The following PPARA variants were observed in gnomAD, a reference collection of about 807,000 sequenced individuals.
PPARA encodes peroxisome proliferator activated receptor alpha, also known as peroxisome proliferator-activated receptor alpha.
A neutral mutation model predicts 42.2 loss-of-function variants in PPARA; 22 were observed. The ratio of observed to expected loss-of-function variants is 0.52; its 90% confidence interval spans 0.37 to 0.74. The LOEUF (loss-of-function observed/expected upper bound fraction) is 0.74. PPARA is among the 30% of genes least tolerant of loss of function. The pLI is 0.00. For synonymous variants in PPARA, 242 were observed against 239.3 expected, an observed-to-expected ratio of 1.01 and a Z score of -0.10; for missense variants, 465 against 608.2, an observed-to-expected ratio of 0.76 and a Z score of 2.48.
At chr22:46,214,682 GGAGATGCGTGGGTCCA>G (rs1384856213) in intron 4 of PPARA, among the ~76,000 whole-genome samples, 3 of 149,996 alleles carry the variant, frequency 2.0e-5, no homozygotes, top group African/African-American at 7.4e-5. Flanking sequence ...GCGCGGGTCC[GGAGATGCGTGGGTCCA>G]GAGATGTGCG....
rs542558197 is a variant in PPARA, at chr22:46,152,341, C to T, written c.-127+371C>T. On this transcript the variant is annotated intron_variant, in intron 2 of 8. Transcript: ENST00000407236. ...TTTAGTAGAGGCGGGGTTTCACCAT[C>T]TTGGCCAGGCTGATCTTGAACTCCT... Among the ~76,000 whole-genome samples the T allele has an allele frequency of 2.0e-5, 3 of 151,936 alleles. No individual in the cohort carries two copies. In the East Asian group the frequency reaches 5.8e-4, roughly 29 times the overall value.
Position 46,184,917 on chromosome 22 carries a change from G to A in PPARA, c.-43+8081G>A, listed in dbSNP as rs1401098095. Among the ~76,000 whole-genome samples, 3 of 152,200 alleles carry A rather than the reference G, an allele frequency of 2.0e-5. No individual in the cohort carries two copies. The highest frequency in any genetic ancestry group is 7.2e-5 in the African/African-American group (3 of 41,458). ...GCGACGTGTTTTTCCCTCTCAGAAA[G>A]CTCGTAGGGTCTTCTCTTTGTCTCC... is the stretch of plus-strand genomic sequence containing the variant. On this transcript the variant is annotated intron_variant, in intron 3 of 8. Transcript: ENST00000407236. The surrounding 1 kb of genome is among the most constrained non-coding windows in gnomAD (Gnocchi z 4.4).
intron 2 of PPARA, among the ~76,000 whole-genome samples, chr22:46,176,483 A>G (rs1896399393): frequency 6.6e-6 from 1 of 151,966 alleles, no homozygotes; most frequent in Admixed American, 6.6e-5. Flanking sequence ...GAGACTCCGT[A>G]TCAGTACTTT....
At chr22:46,178,034 G>A (rs1291308305) in intron 3 of PPARA, among the ~76,000 whole-genome samples, 1 of 151,810 alleles carries the variant, frequency 6.6e-6, no homozygotes. Flanking sequence ...GATCTAAGGA[G>A]GTCTATCAGT....
intron 2 of PPARA, among the ~76,000 whole-genome samples, chr22:46,174,245 A>AGAAGGAAGGAAGGAAGGAATGAAGGAAG (rs1569196799): frequency 1.0e-3 from 1 of 976 alleles, no homozygotes; most frequent in African/African-American, 4.0e-3. Flanking sequence ...AGAGAAAGAA[A>AGAAGGAAGGAAGGAAGGAATGAAGGAAG]GAAAGAAGGA....
At chr22:46,152,864 C>T (rs1601581967) in intron 2 of PPARA, among the ~76,000 whole-genome samples, 1 of 152,192 alleles carries the variant, frequency 6.6e-6, no homozygotes, top group East Asian at 1.9e-4. Context: ...GTGGGCAGAT[C>T]GCTTGAGGCC....
intron 4 of PPARA, among the ~76,000 whole-genome samples, chr22:46,205,539 TATATA>T (rs1933174777): frequency 7.9e-5 from 3 of 38,054 alleles, no homozygotes; most frequent in African/African-American, 1.3e-4. Context: ...TATATATATA[TATATA>T]TATATATATA....
rs1265728014 is a variant in PPARA at position 46,190,686 on chromosome 22, G to T, written c.-42-7656G>T. 6.6e-6 allele frequency among the ~76,000 whole-genome samples: 1 copy of T among 152,128 alleles called. No individual in the cohort carries two copies. Among genetic ancestry groups the T allele is most frequent in the Non-Finnish European group, 1.5e-5 (1 of 68,032 alleles). ...GATCACCTGGGCCCGGGAGATCAAG[G>T]CTGCGGTGAGCCATGATCTTGCCAT... On this transcript the variant is annotated intron_variant, in intron 3 of 8. Coordinates refer to ENST00000407236, the MANE Select transcript of PPARA (RefSeq NM_005036.6). This position sits in a 1 kb window ranked among gnomAD's most constrained non-coding sequence, Gnocchi z 5.6.
At position 46,234,063 on chromosome 22, in the gene PPARA, A is replaced by G. The variant is rs1290339358; in HGVS notation, c.1160-1070A>G. ...GGTCTCAAACTCCTGACCCCGGGTGACCCACCCACCTCGGCCTCCCAAAGT... is the reference window on the plus strand; with the variant it reads ...GGTCTCAAACTCCTGACCCCGGGTGGCCCACCCACCTCGGCCTCCCAAAGT... On this transcript the variant is annotated intron_variant, in intron 8 of 8. Coordinates refer to ENST00000407236, the MANE Select transcript of PPARA (RefSeq NM_005036.6). This position sits in a 1 kb window ranked among gnomAD's most constrained non-coding sequence, Gnocchi z 5.8. Among the ~76,000 whole-genome samples the G allele has an allele frequency of 6.6e-6, 1 of 151,654 alleles. No homozygotes were observed. Among genetic ancestry groups the G allele is most frequent in the Non-Finnish European group, 1.5e-5 (1 of 67,920 alleles).
intron 5 of PPARA, among the ~76,000 whole-genome samples, chr22:46,215,624 C>T (rs1342144287): frequency 6.6e-6 from 1 of 151,908 alleles, no homozygotes; most frequent in Non-Finnish European, 1.5e-5. Context: ...CGCCTGTAAG[C>T]CCAGCTACTC....
rs1936158818 is a variant in PPARA at position 46,235,446 on chromosome 22, G to A, written c.*66G>A. The A allele has an allele frequency of 1.0e-5, 16 of 1,589,482 alleles. No homozygotes were observed. The South Asian group carries it at 1.0e-4, about 10-fold the overall frequency. ...GCTGACAGCACTACAAAGGAGACGG[G>A]GGAGCAGCACGATTTTGCACAAATA... On this transcript the variant is annotated 3_prime_UTR_variant, in exon 9 of 9. Coordinates refer to ENST00000407236, the MANE Select transcript of PPARA (RefSeq NM_005036.6). This position sits in a 1 kb window ranked among gnomAD's most constrained non-coding sequence, Gnocchi z 7.0.
chr22:46,182,272 C>G lies in PPARA; in HGVS notation c.-43+5436C>G, dbSNP rs1296858750. Among the ~76,000 whole-genome samples the G allele has an allele frequency of 6.6e-6, 1 of 152,162 alleles. No individual in the cohort carries two copies. The highest frequency in any genetic ancestry group is 1.5e-5 in the Non-Finnish European group (1 of 68,022). ...GTCTAGTCCTGAATGTCTATAGCTG[C>G]TTTATTTATAATAGCTCAGACTTGG... is the stretch of plus-strand genomic sequence containing the variant. On this transcript the variant is annotated intron_variant, in intron 3 of 8. Coordinates refer to ENST00000407236, the MANE Select transcript of PPARA (RefSeq NM_005036.6). The surrounding 1 kb of genome is among the most constrained non-coding windows in gnomAD (Gnocchi z 5.2).
At position 46,224,841 on chromosome 22, in the gene PPARA, G is replaced by C. The variant is rs1473054528; in HGVS notation, c.711+4827G>C. The stretch of plus-strand genomic sequence containing the variant: ...GATTTTAATTTCAAAGCAGCCCTCT[G>C]GTTTGCTATAAGCGGGGGACTGAAT... On this transcript the variant is annotated intron_variant, in intron 7 of 8. Coordinates refer to ENST00000407236, the MANE Select transcript of PPARA (RefSeq NM_005036.6). The surrounding 1 kb of genome is among the most constrained non-coding windows in gnomAD (Gnocchi z 5.7). Among the ~76,000 whole-genome samples the C allele has an allele frequency of 6.6e-6, 1 of 152,220 alleles. No individual in the cohort carries two copies. The highest frequency in any genetic ancestry group is 1.5e-5 in the Non-Finnish European group (1 of 68,036).
At position 46,212,572 on chromosome 22, in the gene PPARA, T is replaced by C. The variant is rs887943775; in HGVS notation, c.209-2601T>C. On this transcript the variant is annotated intron_variant, in intron 4 of 8. Transcript: ENST00000407236. The surrounding 1 kb of genome is among the most constrained non-coding windows in gnomAD (Gnocchi z 4.2). ...CATAGCAATATGCATTTAAGAGTCA[T>C]CCATGTCTTTCCATGGCTTGATATC... 6.6e-6 allele frequency among the ~76,000 whole-genome samples: 1 copy of C among 152,264 alleles called. No individual in the cohort carries two copies. Among genetic ancestry groups the C allele is most frequent in the African/African-American group, 2.4e-5 (1 of 41,476 alleles).
rs1601834104 is a variant in PPARA, at chr22:46,235,189, C to T, written c.1216C>T (p.His406Tyr). 2 of 1,614,010 alleles carry T rather than the reference C, an allele frequency of 1.2e-6. No individual in the cohort carries two copies. The highest frequency in any genetic ancestry group is 2.2e-5 in the East Asian group (1 of 44,882). ...HIEKMQEGIVHVLRLHLQSNH... is the reference protein window; with the variant it reads ...HIEKMQEGIVYVLRLHLQSNH... ...TGAAAAAATGCAGGAGGGTATTGTA[C>T]ATGTGCTCAGACTCCACCTGCAGAG... Residue 406 changes from histidine (H) to tyrosine (Y), a missense_variant, in exon 9 of 9, where the codon CAT becomes TAT. By Grantham distance (83) the His-to-Tyr change is moderately conservative. This residue lies in a region of PPARA where 313 missense variants were observed against 469.1 expected (regional missense o/e 0.67). Coordinates refer to ENST00000407236, the MANE Select transcript of PPARA (RefSeq NM_005036.6). This position sits in a 1 kb window ranked among gnomAD's most constrained non-coding sequence, Gnocchi z 7.0.
At chr22:46,205,552 ATATTTTT>A (rs1933206728) in intron 4 of PPARA, among the ~76,000 whole-genome samples, 1 of 22,810 alleles carries the variant, frequency 4.4e-5, no homozygotes. Flanking sequence ...ATATATATAT[ATATTTTT>A]TTTTTTTTTT....
intron 7 of PPARA, among the ~76,000 whole-genome samples, chr22:46,223,867 G>A (rs1431907383): frequency 1.7e-4 from 24 of 141,478 alleles, no homozygotes; most frequent in Non-Finnish European, 2.9e-4. Context: ...GGAGAATGGC[G>A]TGAACCTGGG....
In PPARA at chr22:46,156,028, T is replaced by G. The variant is rs1288656550; in HGVS notation, c.-127+4058T>G. The G allele has an allele frequency of 6.6e-6, 1 of 152,180 alleles. No individual in the cohort carries two copies. The highest frequency in any genetic ancestry group is 1.5e-5 in the Non-Finnish European group (1 of 68,024). The allele number at this position is 152,180 out of a possible 1,614,324, so 9.4% of individuals were successfully genotyped here. The stretch of plus-strand genomic sequence containing the variant: ...TAGTGATATTACGGTGTCTTAAAAG[T>G]TTATGCATTTGAAAAGAAAAGAACT... On this transcript the variant is annotated intron_variant, in intron 2 of 8. Transcript: ENST00000407236. The surrounding 1 kb of genome is among the most constrained non-coding windows in gnomAD (Gnocchi z 5.2).
rs1931767850 is a variant in PPARA, at chr22:46,193,028, A to G, written c.-42-5314A>G. 6.6e-6 allele frequency among the ~76,000 whole-genome samples: 1 copy of G among 152,156 alleles called. No homozygotes were observed. ...AGATGGTTAACAGGTACAAAAAACT[A>G]GAAAGAATGAATAAGACCCACTAGG... On this transcript the variant is annotated intron_variant, in intron 3 of 8. Transcript: ENST00000407236. This position sits in a 1 kb window ranked among gnomAD's most constrained non-coding sequence, Gnocchi z 5.3.
Sources: allele counts gnomAD v4.1 joint callset (sites outside exome capture counted in the v4.1 genomes callset), GRCh38; gene constraint gnomAD v4.1.1; regional missense constraint gnomAD v4.1.1; non-coding constraint Gnocchi (gnomAD v3.1); transcripts MANE v1.5; gene names NCBI Gene and HGNC (gene_info 2026-07-23, HGNC 2026-07-21).